The following ACOX2 variants were observed in gnomAD, a reference collection of about 807,000 sequenced individuals.
ACOX2 encodes peroxisomal acyl-coenzyme A oxidase 2.
Under a neutral mutation model 77.5 loss-of-function variants are expected in ACOX2, and 59 were observed. That is an observed-to-expected ratio of 0.76 (90% confidence interval 0.62 to 0.95). ACOX2 has a LOEUF of 0.95. Ranked by LOEUF, ACOX2 falls within the 40% of genes least tolerant of loss-of-function variation. ACOX2 has a pLI of 0.00. For synonymous variants in ACOX2, 317 were observed against 340.1 expected (o/e 0.93, Z 0.75); for missense variants, 837 against 880.4 (o/e 0.95, Z 0.62).
chr3:58,514,084 C>A lies in ACOX2; in HGVS notation c.1850+3122G>T, dbSNP rs1391850553. 6.6e-6 allele frequency among the ~76,000 whole-genome samples: 1 copy of A among 152,168 alleles called. No individual in the cohort carries two copies. The highest frequency in any genetic ancestry group is 2.4e-5 in the African/African-American group (1 of 41,428). On this transcript the variant is annotated intron_variant, in intron 13 of 14. Coordinates refer to ENST00000302819, the MANE Select transcript of ACOX2 (RefSeq NM_003500.4). This position sits in a 1 kb window ranked among gnomAD's most constrained non-coding sequence, Gnocchi z 4.3. Reference sequence around the variant, plus strand: ...GCCTTATTATCAACTATACCTGATGCTCCCTAGTCCACAGATCCTCTATTT... The same window carrying A: ...GCCTTATTATCAACTATACCTGATGATCCCTAGTCCACAGATCCTCTATTT...
rs552898131 is a variant in ACOX2, at chr3:58,515,063, G to A, written c.1850+2143C>T. On this transcript the variant is annotated intron_variant, in intron 13 of 14. Transcript: ENST00000302819. This position sits in a 1 kb window ranked among gnomAD's most constrained non-coding sequence, Gnocchi z 4.0. The stretch of plus-strand genomic sequence containing the variant: ...CTTGAGATGGAGTCTCACTCTTGTC[G>A]CCAAGGCTGGAGTGCAGTGGTACGA... Among the ~76,000 whole-genome samples the A allele has an allele frequency of 7.0e-4, 106 of 151,572 alleles. No individual in the cohort carries two copies. The highest frequency in any genetic ancestry group is 2.7e-3 in the South Asian group (13 of 4,806).
intron 13 of ACOX2, among the ~76,000 whole-genome samples, chr3:58,510,146 G>A (rs1291995104): frequency 6.6e-6 from 1 of 152,168 alleles, no homozygotes; most frequent in East Asian, 1.9e-4. Context: ...CCAATATTTA[G>A]TATTGACATT....
At chr3:58,508,828 G>A in intron 14 of ACOX2, 65 bp downstream of exon 14, 1 of 1,578,412 alleles carries the variant, frequency 6.3e-7, no homozygotes, top group Non-Finnish European at 8.7e-7. Flanking sequence ...GGGAGAACAT[G>A]AAGGTGTATT....
intron 13 of ACOX2, 148 bp from the exon 14 acceptor site, chr3:58,509,173 T>C (rs1236634886): frequency 1.0e-6 from 1 of 981,946 alleles, no homozygotes; most frequent in Admixed American, 2.8e-5. Flanking sequence ...TTTTTATTTT[T>C]TAATCAGTTA....
intron 13 of ACOX2, among the ~76,000 whole-genome samples, chr3:58,516,622 G>A (rs1433842025): frequency 6.6e-6 from 1 of 152,176 alleles, no homozygotes; most frequent in Non-Finnish European, 1.5e-5. Flanking sequence ...TGGATCACTT[G>A]AGGTCAGGAG....
Position 58,522,415 on chromosome 3 carries a change from C to T in ACOX2, c.1632+81G>A, listed in dbSNP as rs1286168468. ...CTGAAGCAGAGTTGGGGAATAATGG[C>T]AGAGCCCGGATTTTCCCAGCAGGGT... On this transcript the variant is annotated intron_variant, in intron 12 of 14. Coordinates refer to ENST00000302819, the MANE Select transcript of ACOX2 (RefSeq NM_003500.4). This position sits in a 1 kb window ranked among gnomAD's most constrained non-coding sequence, Gnocchi z 4.3. 1.2e-5 allele frequency: 17 copies of T among 1,379,840 alleles called. No homozygotes were observed. The Admixed American group carries it at 2.9e-4, about 24-fold the overall frequency. 85.5% of individuals were successfully genotyped at this position (1,379,840 alleles called of 1,614,324 possible). A position where few individuals can be genotyped will look rare whatever the true frequency, so the allele number is the denominator to read the frequency against.
rs2063298082 is a variant in ACOX2 at position 58,512,912 on chromosome 3, T to A, written c.1851-3887A>T. ...GCTTGTGTAAGTACACTCTGTGATG[T>A]TCACATGATGACAGACTCACCTGAA... On this transcript the variant is annotated intron_variant, in intron 13 of 14. Transcript: ENST00000302819. The surrounding 1 kb of genome is among the most constrained non-coding windows in gnomAD (Gnocchi z 4.8). 6.6e-6 allele frequency among the ~76,000 whole-genome samples: 1 copy of A among 152,208 alleles called. No individual in the cohort carries two copies. Among genetic ancestry groups the A allele is most frequent in the East Asian group, 1.9e-4 (1 of 5,200 alleles).
In ACOX2 at chr3:58,515,007, A is replaced by G. The variant is rs2063312082; in HGVS notation, c.1850+2199T>C. Among the ~76,000 whole-genome samples the G allele has an allele frequency of 6.6e-6, 1 of 152,028 alleles. No individual in the cohort carries two copies. Reference sequence around the variant, plus strand: ...TCAAACGTATTTTTGACAGTTTTTGATGATTTAACTGAACAAACTTTTTTT... The same window carrying G: ...TCAAACGTATTTTTGACAGTTTTTGGTGATTTAACTGAACAAACTTTTTTT... On this transcript the variant is annotated intron_variant, in intron 13 of 14. Coordinates refer to ENST00000302819, the MANE Select transcript of ACOX2 (RefSeq NM_003500.4). This position sits in a 1 kb window ranked among gnomAD's most constrained non-coding sequence, Gnocchi z 4.0.
chr3:58,505,256 G>A lies in ACOX2; in HGVS notation c.2014C>T (p.Pro672Ser), dbSNP rs768464770. 8 of 1,612,962 alleles carry A rather than the reference G, an allele frequency of 5.0e-6. No individual in the cohort carries two copies. The highest frequency in any genetic ancestry group is 1.6e-4 in the Middle Eastern group (1 of 6,078). Reference sequence around the variant, plus strand: ...TTGGATCTCCAACTTTGTAAAAGTGGTCTTATATATTCCTCATAGGCAGGG... The same window carrying A: ...TTGGATCTCCAACTTTGTAAAAGTGATCTTATATATTCCTCATAGGCAGGG... ...ENPAYEEYIRPLLQSWRSKL is the reference protein window; with the variant it reads ...ENPAYEEYIRSLLQSWRSKL Residue 672 changes from proline to serine, a missense_variant, in exon 15 of 15, where the codon CCA becomes TCA. Coordinates refer to ENST00000302819, the MANE Select transcript of ACOX2 (RefSeq NM_003500.4). This position sits in a 1 kb window ranked among gnomAD's most constrained non-coding sequence, Gnocchi z 4.4.
At position 58,519,630 on chromosome 3, in the gene ACOX2, T is replaced by G. The variant is rs1337433735; in HGVS notation, c.1633-2207A>C. 6.6e-6 allele frequency among the ~76,000 whole-genome samples: 1 copy of G among 152,120 alleles called. No homozygotes were observed. Among genetic ancestry groups the G allele is most frequent in the Non-Finnish European group, 1.5e-5 (1 of 68,016 alleles). ...GGGCTGTGAATAACATGGTCAGAAT[T>G]TGCTCTGTGGGACTGGGAGTCTTCA... On this transcript the variant is annotated intron_variant, in intron 12 of 14. Transcript: ENST00000302819. This position sits in a 1 kb window ranked among gnomAD's most constrained non-coding sequence, Gnocchi z 5.0.
At chr3:58,509,139 A>G in intron 13 of ACOX2, 114 bp from the exon 14 acceptor site, 1 of 1,287,254 alleles carries the variant, frequency 7.8e-7, no homozygotes, top group Non-Finnish European at 1.1e-6. Flanking sequence ...TTCGCTTTTC[A>G]AACAATTCAG....
intron 12 of ACOX2, among the ~76,000 whole-genome samples, chr3:58,518,542 G>A (rs1005468109): frequency 4.6e-5 from 7 of 152,320 alleles, no homozygotes; most frequent in South Asian, 2.1e-4. Context: ...TCCGCATCTC[G>A]TCAAGACAAG....
At position 58,517,426 on chromosome 3, in the gene ACOX2, A is replaced by G. The variant is rs923647767; in HGVS notation, c.1633-3T>C. 1.2e-6 allele frequency: 2 copies of G among 1,612,644 alleles called. No homozygotes were observed. Among genetic ancestry groups the G allele is most frequent in the Non-Finnish European group, 1.7e-6 (2 of 1,178,734 alleles). ...ACAGTGACATAGTAGCAGTGCACCT[A>G]CAAAGACACAAAGATATGTTCTCCT... On this transcript the variant is annotated splice_polypyrimidine_tract_variant and splice_region_variant and intron_variant, in intron 12 of 14. Transcript: ENST00000302819.
intron 8 of ACOX2, among the ~76,000 whole-genome samples, chr3:58,530,152 G>A (rs961333682): frequency 5.3e-5 from 8 of 152,228 alleles, no homozygotes; most frequent in African/African-American, 1.7e-4. Context: ...GGCTGGACTC[G>A]GACAGACACA....
rs1193548830 is a variant in ACOX2 at position 58,522,513 on chromosome 3, G to A, written c.1615C>T (p.His539Tyr). Residue 539 changes from histidine (H) to tyrosine (Y), a missense_variant, in exon 12 of 15, where the codon CAC (histidine) becomes TAC (tyrosine). His to Tyr is a moderately conservative substitution (Grantham distance 83). Coordinates refer to ENST00000302819, the MANE Select transcript of ACOX2 (RefSeq NM_003500.4). This position sits in a 1 kb window ranked among gnomAD's most constrained non-coding sequence, Gnocchi z 4.3. ...GCGCTCACCTTAGCAGCCTGGAGGTGTATGACAGTGGTCTGGTTCCAAGCC... is the reference window on the plus strand; with the variant it reads ...GCGCTCACCTTAGCAGCCTGGAGGTATATGACAGTGGTCTGGTTCCAAGCC... ...HEAWNQTTVI[H>Y]LQAAKVHCYY... The A allele has an allele frequency of 2.5e-6, 4 of 1,614,194 alleles. No homozygotes were observed. Among genetic ancestry groups the A allele is most frequent in the Middle Eastern group, 1.7e-4 (1 of 6,060 alleles).
In ACOX2 at chr3:58,534,371, G is replaced by T. The variant is rs780598206; in HGVS notation, c.312C>A (p.Gly104=). Residue 104 remains glycine (G), a synonymous_variant, in exon 3 of 15, where the codon GGC becomes GGA. Coordinates refer to ENST00000302819, the MANE Select transcript of ACOX2 (RefSeq NM_003500.4). The surrounding 1 kb of genome is among the most constrained non-coding windows in gnomAD (Gnocchi z 4.8). ...CGAGGAGTGAGCACCTGTAAGCGTA[G>T]CCTAATTCACGACCATCTTCTAACC... ...LGWLEDGREL[G]YAYRALSGDV... is the part of the protein sequence containing the mutation. 6.2e-7 allele frequency: 1 copy of T among 1,614,216 alleles called. No individual in the cohort carries two copies. The highest frequency in any genetic ancestry group is 8.5e-7 in the Non-Finnish European group (1 of 1,180,040).
At position 58,533,839 on chromosome 3, in the gene ACOX2, T is replaced by A. The variant is rs1193282464; in HGVS notation, c.475+155A>T. ...CGTGCAAATTAGAAGGTGGCACCCC[T>A]TCCTCAGGACCCTTGACTGCCAGCT... On this transcript the variant is annotated intron_variant, in intron 4 of 14. Coordinates refer to ENST00000302819, the MANE Select transcript of ACOX2 (RefSeq NM_003500.4). This position sits in a 1 kb window ranked among gnomAD's most constrained non-coding sequence, Gnocchi z 5.6. The A allele has an allele frequency of 2.0e-6, 2 of 1,014,950 alleles. No homozygotes were observed. Among genetic ancestry groups the A allele is most frequent in the Non-Finnish European group, 2.8e-6 (2 of 707,524 alleles). 62.9% of individuals were successfully genotyped at this position (1,014,950 alleles called of 1,614,324 possible).
At position 58,507,044 on chromosome 3, in the gene ACOX2, A is replaced by G. The variant is rs538499668; in HGVS notation, c.1984-1758T>C. Among the ~76,000 whole-genome samples the G allele has an allele frequency of 3.3e-4, 50 of 152,342 alleles. 1 individual carries two copies. The South Asian group carries it at 0.01, about 31-fold the overall frequency. ...CTCATGTCATTTTAACTGACTGGAA[A>G]CAGTTCACTAAGGTCATTTGTAACT... On this transcript the variant is annotated intron_variant, in intron 14 of 14. Coordinates refer to ENST00000302819, the MANE Select transcript of ACOX2 (RefSeq NM_003500.4).
chr3:58,517,800 C>T (rs963255468), intron 12 of ACOX2, among the ~76,000 whole-genome samples: 2 of 151,950 alleles, frequency 1.3e-5, no homozygotes, highest in East Asian at 1.9e-4. Flanking sequence ...TAAGGCTGGG[C>T]GCGGTGGCTC....
Sources: allele counts gnomAD v4.1 joint callset (sites outside exome capture counted in the v4.1 genomes callset), GRCh38; gene constraint gnomAD v4.1.1; non-coding constraint Gnocchi (gnomAD v3.1); transcripts MANE v1.5; gene names NCBI Gene and HGNC (gene_info 2026-07-23, HGNC 2026-07-21).